The following NTM variants were observed in gnomAD, a reference collection of about 807,000 sequenced individuals.
NTM encodes the protein IgLON family member 2.
In NTM, 13 loss-of-function variants were observed where a neutral mutation model predicts 42.1. That is an observed-to-expected ratio of 0.31 (90% CI 0.20 to 0.49). The LOEUF (loss-of-function observed/expected upper bound fraction) is 0.49, where lower values mean the gene tolerates loss of function less well. NTM is among the 20% of genes least tolerant of loss of function. The pLI, the probability that NTM is intolerant of heterozygous loss-of-function variation, is 0.99. For missense variants in NTM, 373 were observed against 452.8 expected (o/e 0.82, Z 1.60); for synonymous variants, 187 against 179.2 (o/e 1.04, Z -0.35).
At chr11:131,773,032 T>A (rs2086377554) in intron 1 of NTM, among the ~76,000 whole-genome samples, 1 of 152,272 alleles carries the variant, frequency 6.6e-6, no homozygotes, top group African/African-American at 2.4e-5. Flanking sequence ...ATAGGCATTT[T>A]AATCTGTCCC....
At chr11:132,070,548 C>T (rs1423636064) in intron 2 of NTM, among the ~76,000 whole-genome samples, 1 of 125,324 alleles carries the variant, frequency 8.0e-6, no homozygotes, top group Admixed American at 7.6e-5. Context: ...AACTGACCGT[C>T]ACAGTTTAGT....
intron 3 of NTM, among the ~76,000 whole-genome samples, chr11:132,159,500 A>C (rs2073879612): frequency 6.6e-6 from 1 of 152,218 alleles, no homozygotes; most frequent in Non-Finnish European, 1.5e-5. Flanking sequence ...TCATGTCACC[A>C]ACAGGAGATG....
chr11:131,521,991 C>G (rs373436246), intron 1 of NTM, among the ~76,000 whole-genome samples: 4 of 152,024 alleles, frequency 2.6e-5, no homozygotes, highest in Non-Finnish European at 4.4e-5. Flanking sequence ...AAATTATAAG[C>G]AAATTAAAAT....
At chr11:131,669,782 A>T (rs1322754424) in intron 1 of NTM, among the ~76,000 whole-genome samples, 1 of 152,184 alleles carries the variant, frequency 6.6e-6, no homozygotes, top group East Asian at 1.9e-4. Context: ...GAGAGCAAAT[A>T]AACCATATTA....
At chr11:131,571,050 A>G (rs1171336661) in intron 1 of NTM, among the ~76,000 whole-genome samples, 1 of 152,206 alleles carries the variant, frequency 6.6e-6, no homozygotes, top group Non-Finnish European at 1.5e-5. Flanking sequence ...GCTGAATCCC[A>G]GTTCTGCTGT....
chr11:131,707,054 T>C (rs77365406), intron 1 of NTM, among the ~76,000 whole-genome samples: 220 of 152,162 alleles, frequency 1.4e-3, no homozygotes, highest in African/African-American at 5.2e-3. Context: ...ATAGTCACCA[T>C]GCTATGTAAT....
At chr11:131,738,515 A>G (rs1205475674) in intron 1 of NTM, among the ~76,000 whole-genome samples, 1 of 152,234 alleles carries the variant, frequency 6.6e-6, no homozygotes, top group Non-Finnish European at 1.5e-5. Context: ...TTCCGGAGTC[A>G]TGAAAGTGAA....
chr11:131,826,359 A>G (rs2042124876), intron 1 of NTM, among the ~76,000 whole-genome samples: 1 of 152,076 alleles, frequency 6.6e-6, no homozygotes, highest in South Asian at 2.1e-4. Context: ...GGTAAAATTG[A>G]CAAATGCCAT....
At chr11:131,948,994 C>T (rs564177612) in intron 2 of NTM, among the ~76,000 whole-genome samples, 9 of 152,290 alleles carry the variant, frequency 5.9e-5, no homozygotes, top group Non-Finnish European at 1.0e-4. Context: ...GTTTCTCCCT[C>T]CCTCCAGCCT....
intron 1 of NTM, among the ~76,000 whole-genome samples, chr11:131,787,494 T>C (rs2089462545): frequency 6.6e-6 from 1 of 151,886 alleles, no homozygotes; most frequent in Non-Finnish European, 1.5e-5. Context: ...CAAGCGATTC[T>C]CCTGCCTCAG....
Position 131,708,420 on chromosome 11 carries a change from AG to A in NTM, c.83-203143del, listed in dbSNP as rs2076797856. Among the ~76,000 whole-genome samples the A allele has an allele frequency of 2.0e-5, 3 of 152,162 alleles. No individual in the cohort carries two copies. In the South Asian group the frequency reaches 6.2e-4, roughly 31 times the overall value. On this transcript the variant is annotated intron_variant, in intron 1 of 8. Coordinates refer to ENST00000683400, the MANE Select transcript of NTM (RefSeq NM_001352005.2). Reference sequence around the variant, plus strand: ...AGAAAAATATTGACTTCATTTTGGCAGTAAGTATTCCTAAACATTAACATTA... The same window carrying A: ...AGAAAAATATTGACTTCATTTTGGCATAAGTATTCCTAAACATTAACATTA...
chr11:131,757,407 C>T (rs540597352), intron 1 of NTM, among the ~76,000 whole-genome samples: 61 of 152,186 alleles, frequency 4.0e-4, no homozygotes, highest in Non-Finnish European at 6.0e-4. Flanking sequence ...CAACGATATA[C>T]CAGGTCACAC....
At chr11:131,743,383 A>G (rs1045413338) in intron 1 of NTM, among the ~76,000 whole-genome samples, 8 of 152,196 alleles carry the variant, frequency 5.3e-5, no homozygotes, top group Admixed American at 5.2e-4. Context: ...TATCTTTAGA[A>G]AGTTTTCATT....
At chr11:132,240,176 C>T (rs1403893224) in intron 4 of NTM, among the ~76,000 whole-genome samples, 1 of 152,202 alleles carries the variant, frequency 6.6e-6, no homozygotes, top group Non-Finnish European at 1.5e-5. Flanking sequence ...ACAAATGAGA[C>T]ATGATTTCTG....
intron 2 of NTM, among the ~76,000 whole-genome samples, chr11:131,987,497 G>T (rs1282254269): frequency 6.6e-6 from 1 of 151,838 alleles, no homozygotes; most frequent in Non-Finnish European, 1.5e-5. Context: ...TGTTTCTGCA[G>T]TAAACAAATG....
chr11:131,779,211 G>A (rs571757044), intron 1 of NTM, among the ~76,000 whole-genome samples: 45 of 152,278 alleles, frequency 3.0e-4, no homozygotes, highest in African/African-American at 6.5e-4. Context: ...AAGAGGATTC[G>A]AAACCTCAGG....
At chr11:132,183,208 TAATC>T (rs1181994108) in intron 3 of NTM, among the ~76,000 whole-genome samples, 1 of 152,184 alleles carries the variant, frequency 6.6e-6, no homozygotes, top group Non-Finnish European at 1.5e-5. Context: ...ATGACTGTAA[TAATC>T]AACACATTTG....
chr11:132,153,665 G>C (rs772403932), intron 3 of NTM, among the ~76,000 whole-genome samples: 1 of 152,124 alleles, frequency 6.6e-6, no homozygotes, highest in Non-Finnish European at 1.5e-5. Flanking sequence ...TAGGACATAG[G>C]GAGTAGTTGA....
At chr11:131,666,184 CTG>C (rs1160051855) in intron 1 of NTM, among the ~76,000 whole-genome samples, 1 of 152,164 alleles carries the variant, frequency 6.6e-6, no homozygotes, top group Admixed American at 6.5e-5. Context: ...GGTCAAGTGA[CTG>C]AGTGAGGCCA....
Sources: gnomAD v4.1 joint callset for allele counts (sites outside exome capture counted in the v4.1 genomes callset) on GRCh38, gnomAD v4.1.1 for gene constraint, MANE v1.5 for transcripts, NCBI Gene and HGNC (gene_info 2026-07-23, HGNC 2026-07-21) for gene names.